LPAR1: variants seen among roughly 807,000 people sequenced by gnomAD.
The protein encoded by LPAR1 is LPA receptor 1.
In LPAR1, 5 loss-of-function variants were observed where a neutral mutation model predicts 23.8. That is an observed-to-expected ratio of 0.21 (90% CI 0.11 to 0.44). The LOEUF is 0.44. LPAR1 is among the 20% of genes least tolerant of loss of function. The pLI is 0.99. For synonymous variants in LPAR1, 160 were observed against 164.7 expected (o/e 0.97, Z 0.22); for missense variants, 311 against 482.8 (o/e 0.64, Z 3.33).
intron 5 of LPAR1, among the ~76,000 whole-genome samples, chr9:110,907,899 G>T (rs1028725168): frequency 1.4e-5 from 2 of 147,108 alleles, no homozygotes; most frequent in South Asian, 2.2e-4. Context: ...AAAAAAGAAA[G>T]ACTTAACCTT....
chr9:110,979,687 A>G (rs538942376), intron 2 of LPAR1, among the ~76,000 whole-genome samples: 2 of 152,278 alleles, frequency 1.3e-5, no homozygotes, highest in East Asian at 3.9e-4. Flanking sequence ...CAACCCTGAA[A>G]GCTAGAAGAC....
chr9:110,927,955 TA>T (rs1450704081), intron 5 of LPAR1, among the ~76,000 whole-genome samples: 1 of 152,118 alleles, frequency 6.6e-6, no homozygotes, highest in African/African-American at 2.4e-5. Context: ...GTCTTCTCAA[TA>T]AAAATCAATG....
intron 2 of LPAR1, among the ~76,000 whole-genome samples, chr9:110,997,288 T>C (rs1340111146): frequency 6.6e-6 from 1 of 152,092 alleles, no homozygotes; most frequent in Non-Finnish European, 1.5e-5. Flanking sequence ...TTACAGAAGA[T>C]TATAAAGAAC....
chr9:111,027,177 G>A (rs1288082620), intron 2 of LPAR1, among the ~76,000 whole-genome samples: 1 of 151,986 alleles, frequency 6.6e-6, no homozygotes, highest in Non-Finnish European at 1.5e-5. Context: ...TTGGTTGGTA[G>A]GCTATTAATT....
chr9:111,004,264 C>T (rs1042180062), intron 2 of LPAR1, among the ~76,000 whole-genome samples: 5 of 152,146 alleles, frequency 3.3e-5, no homozygotes, highest in Non-Finnish European at 7.4e-5. Context: ...CAATTATTCT[C>T]TCTTCTGTGG....
chr9:111,032,806 TA>T (rs749161032), intron 2 of LPAR1, among the ~76,000 whole-genome samples: 1 of 152,216 alleles, frequency 6.6e-6, no homozygotes, highest in Non-Finnish European at 1.5e-5. Context: ...TAGCAAATCC[TA>T]AACTCTAAGA....
intron 4 of LPAR1, among the ~76,000 whole-genome samples, chr9:110,958,092 T>C (rs2095822597): frequency 1.3e-5 from 2 of 152,062 alleles, no homozygotes; most frequent in South Asian, 4.1e-4. Flanking sequence ...AGGACACAAA[T>C]GGAAAGACAT....
At chr9:110,922,723 G>A (rs1017853150) in intron 5 of LPAR1, among the ~76,000 whole-genome samples, 66 of 151,654 alleles carry the variant, frequency 4.4e-4, no homozygotes, top group Non-Finnish European at 8.5e-4. Flanking sequence ...GAACTGAGAC[G>A]TCATGGGAAT....
At chr9:110,979,588 T>TA (rs991315371) in intron 2 of LPAR1, among the ~76,000 whole-genome samples, 3 of 151,998 alleles carry the variant, frequency 2.0e-5, no homozygotes, top group Non-Finnish European at 4.4e-5. Flanking sequence ...GTAAGGATAT[T>TA]AAAAAGGTCC....
intron 2 of LPAR1, among the ~76,000 whole-genome samples, chr9:111,032,737 G>A (rs2097823808): frequency 6.6e-6 from 1 of 152,184 alleles, no homozygotes; most frequent in South Asian, 2.1e-4. Context: ...AGACACATAA[G>A]TTAATGAATA....
At chr9:110,919,199 G>T (rs749347973) in intron 5 of LPAR1, among the ~76,000 whole-genome samples, 24 of 152,118 alleles carry the variant, frequency 1.6e-4, no homozygotes, top group Non-Finnish European at 3.2e-4. Flanking sequence ...AAGAAGTACA[G>T]ATTTCTCTCT....
At chr9:111,035,229 A>AT (rs34972202) in intron 2 of LPAR1, among the ~76,000 whole-genome samples, 2,698 of 149,292 alleles carry the variant, frequency 0.018, 79 homozygotes, top group African/African-American at 0.062. Context: ...TTTCCCTAAG[A>AT]TTTTTTTTTT....
intron 2 of LPAR1, among the ~76,000 whole-genome samples, chr9:111,004,077 A>G (rs1199853328): frequency 2.6e-5 from 4 of 152,198 alleles, no homozygotes; most frequent in Admixed American, 2.0e-4. Context: ...TCCTTCACCC[A>G]GTACACAGCT....
At chr9:110,909,113 T>C (rs2091948456) in intron 5 of LPAR1, among the ~76,000 whole-genome samples, 1 of 152,134 alleles carries the variant, frequency 6.6e-6, no homozygotes, top group Non-Finnish European at 1.5e-5. Flanking sequence ...TTCTTACACA[T>C]TGTGACTATT....
At chr9:111,032,598 A>G (rs1223401380) in intron 2 of LPAR1, among the ~76,000 whole-genome samples, 13 of 152,324 alleles carry the variant, frequency 8.5e-5, no homozygotes, top group African/African-American at 3.1e-4. Flanking sequence ...AGACCCAGGA[A>G]TATCCTTCAA....
intron 2 of LPAR1, among the ~76,000 whole-genome samples, chr9:110,974,312 G>A (rs2138423562): frequency 6.6e-6 from 1 of 152,298 alleles, no homozygotes; most frequent in Admixed American, 6.5e-5. Flanking sequence ...TAATGAACCA[G>A]ATGTCACAAG....
intron 2 of LPAR1, among the ~76,000 whole-genome samples, chr9:110,981,334 G>C (rs1476406808): frequency 6.6e-6 from 1 of 152,042 alleles, no homozygotes; most frequent in African/African-American, 2.4e-5. Context: ...GTATGACCTT[G>C]GGCAGGTTAT....
At chr9:110,952,889 G>A (rs1363839380) in intron 4 of LPAR1, among the ~76,000 whole-genome samples, 2 of 152,036 alleles carry the variant, frequency 1.3e-5, no homozygotes, top group Non-Finnish European at 2.9e-5. Flanking sequence ...GCCATCCAGG[G>A]GCCTTGGGAT....
At chr9:110,996,650 C>T (rs2097015410) in intron 2 of LPAR1, among the ~76,000 whole-genome samples, 1 of 152,136 alleles carries the variant, frequency 6.6e-6, no homozygotes, top group South Asian at 2.1e-4. Context: ...ATAAAATGAG[C>T]AGGTGGCAAG....
Sources: allele counts gnomAD v4.1 joint callset (sites outside exome capture counted in the v4.1 genomes callset), GRCh38; gene constraint gnomAD v4.1.1; transcripts MANE v1.5; gene names NCBI Gene and HGNC (gene_info 2026-07-23, HGNC 2026-07-21).